The following TAX1BP1 variants were observed in gnomAD, a reference collection of about 807,000 sequenced individuals.
TAX1BP1 encodes Tax1 binding protein 1.
In TAX1BP1, 62 loss-of-function variants were observed where a neutral mutation model predicts 97.7. The ratio of observed to expected loss-of-function variants is 0.63; its 90% CI spans 0.52 to 0.78. The LOEUF is 0.78. Ranked by LOEUF, TAX1BP1 falls within the 30% of genes least tolerant of loss-of-function variation. The probability of loss-of-function intolerance (pLI) is 0.00; values close to 1 mark genes in which losing one functional copy is unlikely to be tolerated. For missense variants in TAX1BP1, 867 were observed against 916.1 expected, an observed-to-expected ratio of 0.95 and a Z score of 0.69; for synonymous variants, 340 against 304.2, an observed-to-expected ratio of 1.12 and a Z score of -1.23.
At chr7:27,784,874 C>G (rs1294756479) in intron 5 of TAX1BP1, among the ~76,000 whole-genome samples, 1 of 151,748 alleles carries the variant, frequency 6.6e-6, no homozygotes, top group Non-Finnish European at 1.5e-5. Flanking sequence ...TCCCAACTAC[C>G]TGGGAGGCTG....
At chr7:27,745,099 ACTC>A (rs2128306333) in intron 1 of TAX1BP1, among the ~76,000 whole-genome samples, 1 of 152,022 alleles carries the variant, frequency 6.6e-6, no homozygotes, top group South Asian at 2.1e-4. Flanking sequence ...TACTTACTAT[ACTC>A]CTGTTTGTAG....
At chr7:27,755,661 C>T (rs1270190248) in intron 2 of TAX1BP1, among the ~76,000 whole-genome samples, 2 of 152,178 alleles carry the variant, frequency 1.3e-5, no homozygotes, top group African/African-American at 4.8e-5. Context: ...TCCATTTTCT[C>T]ATTTATTTTG....
intron 13 of TAX1BP1, among the ~76,000 whole-genome samples, chr7:27,814,385 AT>A (rs1790682994): frequency 6.6e-6 from 1 of 152,028 alleles, no homozygotes; most frequent in South Asian, 2.1e-4. Flanking sequence ...ACATTTTAGA[AT>A]TATTTTGTTA....
At chr7:27,774,764 A>G (rs1788965889) in intron 5 of TAX1BP1, among the ~76,000 whole-genome samples, 1 of 152,128 alleles carries the variant, frequency 6.6e-6, no homozygotes. Context: ...AGAAGTTTTA[A>G]AAAAGCACTA....
At chr7:27,772,268 A>G (rs1293870608) in intron 5 of TAX1BP1, 1 of 151,830 alleles carries the variant, frequency 6.6e-6, no homozygotes, top group Non-Finnish European at 1.5e-5. Flanking sequence ...TGGATGGCTT[A>G]TAAAATCTGT....
intron 15 of TAX1BP1, 85 bp downstream of exon 15, chr7:27,817,123 T>A (rs890786274): frequency 8.8e-6 from 13 of 1,478,332 alleles, no homozygotes; most frequent in African/African-American, 2.8e-5. Flanking sequence ...TGCATATGTG[T>A]ATCTTTGTGC....
chr7:27,747,517 G>A (rs544332740), intron 1 of TAX1BP1, among the ~76,000 whole-genome samples: 11 of 152,222 alleles, frequency 7.2e-5, no homozygotes, highest in African/African-American at 2.6e-4. Flanking sequence ...GTGAATACTA[G>A]AAGTTGAGGT....
intron 13 of TAX1BP1, among the ~76,000 whole-genome samples, chr7:27,813,145 C>CCT (rs374558413): frequency 2.8e-5 from 3 of 108,914 alleles, no homozygotes; most frequent in Non-Finnish European, 5.3e-5. Flanking sequence ...CTTTGTTCTG[C>CCT]TTTTTTTTTT....
chr7:27,800,941 A>C (rs1583391113), intron 13 of TAX1BP1, among the ~76,000 whole-genome samples: 1 of 152,020 alleles, frequency 6.6e-6, no homozygotes, highest in Admixed American at 6.6e-5. Flanking sequence ...TGTCTCTACT[A>C]AAAATACAAA....
chr7:27,808,663 G>A (rs1353887494), intron 13 of TAX1BP1, among the ~76,000 whole-genome samples: 3 of 152,056 alleles, frequency 2.0e-5, no homozygotes, highest in Admixed American at 6.5e-5. Flanking sequence ...TTGTAAAACC[G>A]GGGTCACTGT....
At chr7:27,804,660 A>G (rs1400549973) in intron 13 of TAX1BP1, among the ~76,000 whole-genome samples, 1 of 152,230 alleles carries the variant, frequency 6.6e-6, no homozygotes, top group Non-Finnish European at 1.5e-5. Context: ...ACTATTATGT[A>G]CCATTAATAA....
At chr7:27,791,221 G>T (rs1789693707) in intron 8 of TAX1BP1, among the ~76,000 whole-genome samples, 1 of 151,998 alleles carries the variant, frequency 6.6e-6, no homozygotes, top group African/African-American at 2.4e-5. Flanking sequence ...CTTCTAAGGG[G>T]CTAACAGTTT....
At chr7:27,754,033 A>G (rs1788115899) in intron 2 of TAX1BP1, among the ~76,000 whole-genome samples, 1 of 152,200 alleles carries the variant, frequency 6.6e-6, no homozygotes, top group South Asian at 2.1e-4. Flanking sequence ...AGTTGAGGAA[A>G]CTGGAAGTGC....
rs767806960 is a variant in TAX1BP1 at position 27,793,225 on chromosome 7, A to G, written c.1410+13A>G. The G allele has an allele frequency of 6.4e-7, 1 of 1,555,276 alleles. No homozygotes were observed. Among genetic ancestry groups the G allele is most frequent in the East Asian group, 2.3e-5 (1 of 42,572 alleles). On this transcript the variant is annotated intron_variant, in intron 10 of 16. Coordinates refer to ENST00000396319, the MANE Select transcript of TAX1BP1 (RefSeq NM_006024.7). ...TTCAGATCAATCAGTAAGTATCATT[A>G]AATTTACACATAGTAAAATGTGTTG...
chr7:27,780,872 G>T (rs910577609), intron 5 of TAX1BP1, among the ~76,000 whole-genome samples: 2 of 151,832 alleles, frequency 1.3e-5, no homozygotes, highest in Non-Finnish European at 2.9e-5. Flanking sequence ...GTATTGATAA[G>T]TACAGAACTG....
rs897552114 is a variant in TAX1BP1, at chr7:27,797,766, A to G, written c.1638+1547A>G. On this transcript the variant is annotated intron_variant, in intron 12 of 16. Coordinates refer to ENST00000396319, the MANE Select transcript of TAX1BP1 (RefSeq NM_006024.7). The stretch of plus-strand genomic sequence containing the variant: ...TTAAAGATGAAACAATTCTGGATGA[A>G]TATTTCAAGATTTTTCTATAGAAAT... 3.9e-5 allele frequency among the ~76,000 whole-genome samples: 6 copies of G among 152,110 alleles called. No homozygotes were observed. The South Asian group carries it at 1.2e-3, about 32-fold the overall frequency.
chr7:27,794,737 T>C (rs995234139), intron 11 of TAX1BP1, among the ~76,000 whole-genome samples: 1 of 152,246 alleles, frequency 6.6e-6, no homozygotes, highest in Non-Finnish European at 1.5e-5. Flanking sequence ...TTGGGCTACA[T>C]AGGACAAAAG....
intron 12 of TAX1BP1, 92 bp downstream of exon 12, chr7:27,796,311 T>G: frequency 9.2e-7 from 1 of 1,085,420 alleles, no homozygotes; most frequent in Non-Finnish European, 1.3e-6. Context: ...ATCTTTGAGT[T>G]TCTTTTCCAT....
At chr7:27,809,166 T>C (rs968688506) in intron 13 of TAX1BP1, among the ~76,000 whole-genome samples, 2 of 152,244 alleles carry the variant, frequency 1.3e-5, no homozygotes, top group Non-Finnish European at 2.9e-5. Flanking sequence ...ATAGAAAGGC[T>C]ATTTTGAGAT....
Sources: allele counts gnomAD v4.1 joint callset (sites outside exome capture counted in the v4.1 genomes callset), GRCh38; gene constraint gnomAD v4.1.1; transcripts MANE v1.5; gene names NCBI Gene and HGNC (gene_info 2026-07-23, HGNC 2026-07-21).